RAB31: variants seen among roughly 807,000 people sequenced by gnomAD.
RAB31 encodes RAB31, member RAS oncogene family, also known as ras-related protein Rab-31.
A neutral mutation model predicts 25.6 loss-of-function variants in RAB31; 21 were observed. The observed-to-expected ratio is 0.82, with a 90% CI of 0.58 to 1.18. The LOEUF is 1.18. Ranked by LOEUF, RAB31 falls within the 50% of genes most tolerant of loss-of-function variation. The pLI is 0.00. For synonymous variants in RAB31, 87 were observed against 84.0 expected, an observed-to-expected ratio of 1.04 and a Z score of -0.20; for missense variants, 196 against 250.1, an observed-to-expected ratio of 0.78 and a Z score of 1.46.
At chr18:9,728,753 G>A (rs540424434) in intron 1 of RAB31, among the ~76,000 whole-genome samples, 11 of 152,228 alleles carry the variant, frequency 7.2e-5, no homozygotes, top group African/African-American at 2.6e-4. Flanking sequence ...GGCCAGGCTG[G>A]TCTCGAACTC....
At chr18:9,797,185 A>G (rs1263789069) in intron 3 of RAB31, among the ~76,000 whole-genome samples, 2 of 152,194 alleles carry the variant, frequency 1.3e-5, no homozygotes, top group African/African-American at 4.8e-5. Flanking sequence ...ACTTCTTGAT[A>G]TACGTGTGTA....
Position 9,708,357 on chromosome 18 carries a change from C to A in RAB31, c.-49C>A. 7.0e-7 allele frequency: 1 copy of A among 1,425,546 alleles called. No homozygotes were observed. Among genetic ancestry groups the A allele is most frequent in the Admixed American group, 2.4e-5 (1 of 41,152 alleles). The allele number at this position is 1,425,546 out of a possible 1,614,324, so 88.3% of individuals were successfully genotyped here. On this transcript the variant is annotated 5_prime_UTR_variant, in exon 1 of 7. Transcript: ENST00000578921. The surrounding 1 kb of genome is among the most constrained non-coding windows in gnomAD (Gnocchi z 6.4). ...AGACGCCGGCGGGGCGCGGGCGCGG[C>A]GGCCCCGGAGGATGCTGCTGAGCCC...
chr18:9,828,909 G>A (rs2068663465), intron 5 of RAB31, among the ~76,000 whole-genome samples: 1 of 152,130 alleles, frequency 6.6e-6, no homozygotes, highest in Non-Finnish European at 1.5e-5. Context: ...AGTCTGTGCT[G>A]TTAAAATGTG....
chr18:9,855,615 G>A (rs897119895), intron 6 of RAB31, among the ~76,000 whole-genome samples: 3 of 152,100 alleles, frequency 2.0e-5, no homozygotes, highest in Non-Finnish European at 2.9e-5. Flanking sequence ...GTTTGCGTTC[G>A]GCGTTTGCTT....
chr18:9,801,842 G>A (rs1290603749), intron 3 of RAB31, among the ~76,000 whole-genome samples: 3 of 152,194 alleles, frequency 2.0e-5, no homozygotes, highest in Non-Finnish European at 4.4e-5. Context: ...TGATGCATTT[G>A]GAGTTAATTT....
At chr18:9,763,468 A>G (rs2068298872) in intron 1 of RAB31, among the ~76,000 whole-genome samples, 1 of 152,128 alleles carries the variant, frequency 6.6e-6, no homozygotes, top group Non-Finnish European at 1.5e-5. Flanking sequence ...AACATTTATA[A>G]CTGAAAACTA....
chr18:9,835,785 C>G (rs1324698968), intron 5 of RAB31, among the ~76,000 whole-genome samples: 1 of 152,062 alleles, frequency 6.6e-6, no homozygotes, highest in Non-Finnish European at 1.5e-5. Context: ...ATCCAAGTGT[C>G]TGTAAGAACT....
chr18:9,795,321 T>C (rs1284877080), intron 3 of RAB31, among the ~76,000 whole-genome samples: 2 of 152,166 alleles, frequency 1.3e-5, no homozygotes, highest in Non-Finnish European at 2.9e-5. Context: ...CTTCAAGACA[T>C]TGACTTAGGC....
chr18:9,804,960 A>G (rs758261759), intron 3 of RAB31, among the ~76,000 whole-genome samples: 1 of 152,234 alleles, frequency 6.6e-6, no homozygotes, highest in Non-Finnish European at 1.5e-5. Context: ...CCTTAGAGCT[A>G]TGAAGGTCAG....
chr18:9,821,887 C>T (rs769119066), intron 5 of RAB31, among the ~76,000 whole-genome samples: 3 of 152,088 alleles, frequency 2.0e-5, no homozygotes, highest in Non-Finnish European at 4.4e-5. Context: ...TCATTCTCTT[C>T]AAATTGAGTT....
At chr18:9,714,957 G>A (rs1568159989) in intron 1 of RAB31, among the ~76,000 whole-genome samples, 1 of 152,222 alleles carries the variant, frequency 6.6e-6, no homozygotes, top group Non-Finnish European at 1.5e-5. Context: ...GGGACAGAAA[G>A]TTCTTGCTCC....
chr18:9,816,591 G>A (rs768609657), intron 5 of RAB31, among the ~76,000 whole-genome samples: 68 of 152,232 alleles, frequency 4.5e-4, no homozygotes, highest in Admixed American at 5.9e-4. Flanking sequence ...ATCAGAATAC[G>A]ACACATTGTA....
chr18:9,762,115 C>T (rs1416274946), intron 1 of RAB31, among the ~76,000 whole-genome samples: 1 of 152,074 alleles, frequency 6.6e-6, no homozygotes, highest in East Asian at 1.9e-4. Flanking sequence ...GCCACCAGTA[C>T]CTTTTATAAC....
intron 1 of RAB31, among the ~76,000 whole-genome samples, chr18:9,728,070 T>C (rs2068104171): frequency 6.6e-6 from 1 of 152,266 alleles, no homozygotes; most frequent in Non-Finnish European, 1.5e-5. Flanking sequence ...ACCACCTTTC[T>C]CTACTAATGT....
chr18:9,748,113 G>A (rs11659898), intron 1 of RAB31, among the ~76,000 whole-genome samples: 53,543 of 152,064 alleles, frequency 0.35, 11,131 homozygotes, highest in Non-Finnish European at 0.47. Context: ...GGCGTATCTC[G>A]CAGAAGCAAG....
chr18:9,855,429 T>A (rs376528868), intron 6 of RAB31, among the ~76,000 whole-genome samples: 2 of 152,172 alleles, frequency 1.3e-5, no homozygotes, highest in African/African-American at 4.8e-5. Flanking sequence ...CCTTTTCAGA[T>A]GTTTTTGTAT....
chr18:9,775,295 A>T lies in RAB31; in HGVS notation c.57A>T (p.Lys19Asn). ...VCLLGDTGVGKSSIVCRFVQD... is the reference protein window; with the variant it reads ...VCLLGDTGVGNSSIVCRFVQD... Reference sequence around the variant, plus strand: ...TTTCCTAGGACACTGGGGTTGGGAAATCAAGCATCGTGTGTCGATTTGTCC... The same window carrying T: ...TTTCCTAGGACACTGGGGTTGGGAATTCAAGCATCGTGTGTCGATTTGTCC... The change falls in exon 2 of 7, where the codon AAA becomes AAT. Residue 19 changes from lysine (K) to asparagine (N), a missense_variant. Lys to Asn is a moderately conservative substitution (Grantham distance 94). Coordinates refer to ENST00000578921, the MANE Select transcript of RAB31 (RefSeq NM_006868.4). The T allele has an allele frequency of 6.2e-7, 1 of 1,613,860 alleles. No homozygotes were observed. Among genetic ancestry groups the T allele is most frequent in the Non-Finnish European group, 8.5e-7 (1 of 1,179,810 alleles).
At chr18:9,826,877 G>A (rs894347227) in intron 5 of RAB31, among the ~76,000 whole-genome samples, 4 of 152,068 alleles carry the variant, frequency 2.6e-5, no homozygotes, top group Non-Finnish European at 5.9e-5. Context: ...AAGGTCAGAG[G>A]AAGAAGAGCA....
chr18:9,737,432 T>C (rs2068156368), intron 1 of RAB31, among the ~76,000 whole-genome samples: 1 of 152,156 alleles, frequency 6.6e-6, no homozygotes, highest in Non-Finnish European at 1.5e-5. Flanking sequence ...AGAGGCTGAG[T>C]CGGTGGTATA....
Sources: allele counts gnomAD v4.1 joint callset (sites outside exome capture counted in the v4.1 genomes callset), GRCh38; gene constraint gnomAD v4.1.1; non-coding constraint Gnocchi (gnomAD v3.1); transcripts MANE v1.5; gene names NCBI Gene and HGNC (gene_info 2026-07-23, HGNC 2026-07-21).